LCK: variants seen among roughly 807,000 people sequenced by gnomAD.
LCK encodes LCK proto-oncogene, Src family tyrosine kinase.
A neutral mutation model predicts 64.6 loss-of-function variants in LCK; 14 were observed. That is an observed-to-expected ratio of 0.22 (90% CI 0.14 to 0.34). LCK has a LOEUF of 0.34. Ranked by LOEUF, LCK falls within the 10% of genes least tolerant of loss-of-function variation. The pLI is 1.00. For synonymous variants in LCK, 277 were observed against 263.6 expected, an observed-to-expected ratio of 1.05 and a Z score of -0.49; for missense variants, 434 against 668.1, an observed-to-expected ratio of 0.65 and a Z score of 3.86.
intron 1 of LCK, among the ~76,000 whole-genome samples, chr1:32,272,947 G>A (rs1238879188): frequency 6.9e-6 from 1 of 144,028 alleles, no homozygotes; most frequent in Non-Finnish European, 1.5e-5. Context: ...TTGGGGAGGG[G>A]AGAATGTGTG....
chr1:32,279,149 C>T (rs1248841111), intron 9 of LCK, among the ~76,000 whole-genome samples: 1 of 152,186 alleles, frequency 6.6e-6, no homozygotes, highest in African/African-American at 2.4e-5. Context: ...AAAGTTCCAG[C>T]ATGCCCATGG....
Position 32,276,889 on chromosome 1 carries a change from G to A in LCK, c.964+103G>A. 1 of 1,264,784 alleles carries A rather than the reference G, an allele frequency of 7.9e-7. No homozygotes were observed. Among genetic ancestry groups the A allele is most frequent in the East Asian group, 2.7e-5 (1 of 37,320 alleles). 78.3% of individuals were successfully genotyped at this position (1,264,784 alleles called of 1,614,324 possible). The stretch of plus-strand genomic sequence containing the variant: ...TCTTCTGGCCCAAAGCTCAAGCAAG[G>A]AGGGTTTCTTGAGCTTTCCTGCCCC... On this transcript the variant is annotated intron_variant, in intron 9 of 12. Coordinates refer to ENST00000336890, the MANE Select transcript of LCK (RefSeq NM_005356.5). The surrounding 1 kb of genome is among the most constrained non-coding windows in gnomAD (Gnocchi z 4.6).
chr1:32,277,657 G>A (rs1480677766), intron 9 of LCK, among the ~76,000 whole-genome samples: 2 of 152,176 alleles, frequency 1.3e-5, no homozygotes, highest in African/African-American at 4.8e-5. Context: ...GTTTCCCCAA[G>A]TATAACAGCA....
rs11576031 is a variant in LCK, at chr1:32,275,605, G to A, written c.414G>A (p.Glu138=). ...AGAACCTGAGCCGCAAGGACGCGGA[G>A]CGGCAGCTCCTGGCGCCCGGGAACA... is the stretch of plus-strand genomic sequence containing the variant. The part of the protein sequence containing the change: ...FFKNLSRKDA[E]RQLLAPGNTH... The change falls in exon 6 of 13, where the codon GAG becomes GAA. Residue 138 remains glutamate, a synonymous_variant. Transcript: ENST00000336890. The surrounding 1 kb of genome is among the most constrained non-coding windows in gnomAD (Gnocchi z 6.9). 6 of 1,574,662 alleles carry A rather than the reference G, an allele frequency of 3.8e-6. No individual in the cohort carries two copies. The highest frequency in any genetic ancestry group is 5.2e-6 in the Non-Finnish European group (6 of 1,160,120).
intron 1 of LCK, among the ~76,000 whole-genome samples, chr1:32,253,225 C>T (rs550632216): frequency 3.3e-5 from 5 of 152,172 alleles, no homozygotes; most frequent in Middle Eastern, 3.4e-3. Context: ...ATTAGCCGAG[C>T]GTGGTGGCAG....
intron 2 of LCK, 96 bp downstream of exon 2, chr1:32,274,530 G>C: frequency 1.9e-6 from 2 of 1,073,136 alleles, no homozygotes; most frequent in South Asian, 3.1e-5. Context: ...TGAAAGAATA[G>C]AGTGGCCCTC....
chr1:32,260,103 C>A (rs1639730343), intron 1 of LCK, among the ~76,000 whole-genome samples: 1 of 150,330 alleles, frequency 6.7e-6, no homozygotes, highest in Non-Finnish European at 1.5e-5. Context: ...GAGTGCAGTC[C>A]CGGGTTTAAG....
In LCK at chr1:32,274,997, C is replaced by T. The variant is rs769566620; in HGVS notation, c.192C>T (p.Asn64=). ...TGATGCCCCTTGTCTTTACAGACAA[C>T]CTGGTTATCGCTCTGCACAGCTATG... is the stretch of plus-strand genomic sequence containing the variant. The part of the protein sequence containing the change: ...SNPPASPLQD[N]LVIALHSYEP... The change falls in exon 4 of 13, where the codon AAC becomes AAT. Residue 64 remains asparagine (N), a synonymous_variant. Transcript: ENST00000336890. 3 of 1,614,098 alleles carry T rather than the reference C, an allele frequency of 1.9e-6. No homozygotes were observed. The highest frequency in any genetic ancestry group is 1.6e-4 in the Middle Eastern group (1 of 6,084).
At position 32,275,791 on chromosome 1, in the gene LCK, C is replaced by T; in HGVS notation, c.481+119C>T. The T allele has an allele frequency of 7.1e-7, 1 of 1,417,888 alleles. No individual in the cohort carries two copies. The highest frequency in any genetic ancestry group is 9.5e-7 in the Non-Finnish European group (1 of 1,047,292). 87.8% of individuals were successfully genotyped at this position (1,417,888 alleles called of 1,614,324 possible). On this transcript the variant is annotated intron_variant, in intron 6 of 12. Transcript: ENST00000336890. The surrounding 1 kb of genome is among the most constrained non-coding windows in gnomAD (Gnocchi z 6.9). The stretch of plus-strand genomic sequence containing the variant: ...AGTCGGAGGGGGACGCGGGATGAGC[C>T]CGAGGTGGGGGCGCGGGATGACCCG...
chr1:32,278,665 A>G (rs140545606), intron 9 of LCK, among the ~76,000 whole-genome samples: 72 of 152,250 alleles, frequency 4.7e-4, no homozygotes, highest in African/African-American at 1.7e-3. Flanking sequence ...TTTGATTGGT[A>G]GTTGCTTGTA....
At chr1:32,273,709 T>C (rs958829454) in intron 1 of LCK, among the ~76,000 whole-genome samples, 2 of 152,022 alleles carry the variant, frequency 1.3e-5, no homozygotes, top group Non-Finnish European at 2.9e-5. Context: ...AAAAAAGTTA[T>C]GGCCAACAGA....
At chr1:32,262,587 C>T (rs1469090765) in intron 1 of LCK, among the ~76,000 whole-genome samples, 2 of 150,744 alleles carry the variant, frequency 1.3e-5, no homozygotes, top group Non-Finnish European at 3.0e-5. Context: ...GTACACCTGG[C>T]TAATTTTTGT....
chr1:32,253,639 C>T, intron 1 of LCK, among the ~76,000 whole-genome samples: 1 of 152,136 alleles, frequency 6.6e-6, no homozygotes, highest in East Asian at 1.9e-4. Context: ...AAATGATGCA[C>T]CAAAGGGAGG....
intron 1 of LCK, among the ~76,000 whole-genome samples, chr1:32,266,501 CA>C (rs1270322683): frequency 0.18 from 11,053 of 61,858 alleles, 717 homozygotes; most frequent in East Asian, 0.33. Context: ...GACTCTGTCT[CA>C]AAAAAAAAAA....
In LCK at chr1:32,276,069, C is replaced by A; in HGVS notation, c.631+6C>A. The A allele has an allele frequency of 1.2e-6, 2 of 1,613,748 alleles. No individual in the cohort carries two copies. Among genetic ancestry groups the A allele is most frequent in the Non-Finnish European group, 8.5e-7 (1 of 1,179,930 alleles). ...ACTGGTCCGCCATTACACCAGTGAG[C>A]CCGACGGGACCCCTCCCCCGTGCCC... On this transcript the variant is annotated splice_donor_region_variant and intron_variant, in intron 7 of 12. Transcript: ENST00000336890. This position sits in a 1 kb window ranked among gnomAD's most constrained non-coding sequence, Gnocchi z 4.6.
intron 9 of LCK, among the ~76,000 whole-genome samples, chr1:32,277,495 T>C (rs1372981448): frequency 2.0e-5 from 3 of 152,030 alleles, no homozygotes; most frequent in Non-Finnish European, 2.9e-5. Context: ...CTTTTTCAGT[T>C]CTGAGTGAGA....
chr1:32,254,666 C>A (rs1242744916), intron 1 of LCK, among the ~76,000 whole-genome samples: 2 of 152,158 alleles, frequency 1.3e-5, no homozygotes, highest in Non-Finnish European at 2.9e-5. Context: ...GCATGGACCA[C>A]CACGCCCGGC....
intron 12 of LCK, among the ~76,000 whole-genome samples, chr1:32,280,443 CTTTTTTTTTTT>C (rs770430504): frequency 0.015 from 1,248 of 84,676 alleles, 10 homozygotes; most frequent in South Asian, 0.023. Flanking sequence ...TTTTCTTTTT[CTTTTTTTTTTT>C]TTTTTTTTTT....
chr1:32,270,583 C>T (rs1393593020), intron 1 of LCK, among the ~76,000 whole-genome samples: 2 of 148,360 alleles, frequency 1.3e-5, no homozygotes, highest in Admixed American at 6.8e-5. Flanking sequence ...TTAGTAGACA[C>T]GGGGTTTCAC....
Sources: gnomAD v4.1 joint callset for allele counts (sites outside exome capture counted in the v4.1 genomes callset) on GRCh38, gnomAD v4.1.1 for gene constraint, Gnocchi (gnomAD v3.1) non-coding constraint, MANE v1.5 for transcripts, NCBI Gene and HGNC (gene_info 2026-07-23, HGNC 2026-07-21) for gene names.